Variants in NACA observed in about 807,000 individuals in gnomAD.
NACA encodes nascent polypeptide associated complex subunit alpha, also known as nascent polypeptide-associated complex subunit alpha.
A neutral mutation model predicts 86.4 loss-of-function variants in NACA; 42 were observed. That is an observed-to-expected ratio of 0.49 (90% CI 0.38 to 0.63). The LOEUF (loss-of-function observed/expected upper bound fraction) is 0.63. Ranked by LOEUF, NACA falls within the 20% of genes least tolerant of loss-of-function variation. The pLI is 0.00. For synonymous variants in NACA, 898 were observed against 973.7 expected, an observed-to-expected ratio of 0.92 and a Z score of 1.45; for missense variants, 2,157 against 2,483.6, an observed-to-expected ratio of 0.87 and a Z score of 2.80.
Position 56,719,668 on chromosome 12 carries a change from A to T in NACA, c.1862T>A (p.Ile621Asn). 1.9e-6 allele frequency: 3 copies of T among 1,613,882 alleles called. No individual in the cohort carries two copies. The highest frequency in any genetic ancestry group is 2.5e-6 in the Non-Finnish European group (3 of 1,179,828). The change falls in exon 3 of 9, where the codon ATC (isoleucine) becomes AAC (asparagine). Residue 621 changes from isoleucine (I) to asparagine (N), a missense_variant. Ile to Asn is a moderately radical substitution (Grantham distance 149). Coordinates refer to ENST00000454682, the MANE Select transcript of NACA (RefSeq NM_001365896.1). ...TGGGCCTGCATAAGAATCTGTCTTG[A>T]TTACAGAGGCCGAGGAGTTAACACC... ...PLGVNSSASVIKTDSYAGPDS... is the reference protein window; with the variant it reads ...PLGVNSSASVNKTDSYAGPDS...
In NACA at chr12:56,716,924, T is replaced by C; in HGVS notation, c.4606A>G (p.Lys1536Glu). 7.7e-7 allele frequency: 1 copy of C among 1,307,086 alleles called. No homozygotes were observed. The highest frequency in any genetic ancestry group is 9.9e-7 in the Non-Finnish European group (1 of 1,008,366). The allele number at this position is 1,307,086 out of a possible 1,614,324, so 81.0% of individuals were successfully genotyped here. A position where few individuals can be genotyped will look rare whatever the true frequency, so the allele number is the denominator to read the frequency against. ...GGGGCTAGAGTTGCTGGGGTCTTTT[T>C]AGAGAGAAGAGTCGCTGTTGGGGCA... Reference protein sequence around the residue: ...PIAPTATLLSKKTPATLAPKE... With the variant: ...PIAPTATLLSEKTPATLAPKE... The change falls in exon 3 of 9, where the codon AAA (lysine) becomes GAA (glutamate). Residue 1536 changes from lysine to glutamate, a missense_variant. By Grantham distance (56) the Lys-to-Glu change is moderately conservative. Around this residue, in one of 8 missense-constraint regions of NACA, gnomAD observed 797 missense variants for 777.6 expected, o/e 1.02. Coordinates refer to ENST00000454682, the MANE Select transcript of NACA (RefSeq NM_001365896.1).
chr12:56,724,376 T>TC (rs1953652731), intron 2 of NACA, 76 bp downstream of exon 2: 1 of 1,443,102 alleles, frequency 6.9e-7, no homozygotes, highest in Admixed American at 2.2e-5. Context: ...AAAGTGTATT[T>TC]CCCCTTGGTC....
At chr12:56,724,779 G>C in intron 1 of NACA, 1 of 489,092 alleles carries the variant, frequency 2.0e-6, no homozygotes, top group Non-Finnish European at 3.7e-6. Context: ...CTCGATCATG[G>C]GAGACTTCAG....
chr12:56,712,915 G>A lies in NACA; in HGVS notation c.6100-7C>T. 2 of 1,614,162 alleles carry A rather than the reference G, an allele frequency of 1.2e-6. No individual in the cohort carries two copies. The highest frequency in any genetic ancestry group is 1.7e-6 in the Non-Finnish European group (2 of 1,180,004). On this transcript the variant is annotated splice_region_variant and splice_polypyrimidine_tract_variant and intron_variant, in intron 7 of 8. Coordinates refer to ENST00000454682, the MANE Select transcript of NACA (RefSeq NM_001365896.1). The stretch of plus-strand genomic sequence containing the variant: ...CTACACCTGTTTCATCGACCTGAGA[G>A]ATGAGAGGGAAAAAGCAGTAAATTA...
rs200363394 is a variant in NACA, at chr12:56,717,445, G to A, written c.4085C>T (p.Thr1362Ile). The A allele has an allele frequency of 1.5e-3, 2,130 of 1,392,304 alleles. 4 individuals are homozygous for A. Among genetic ancestry groups the A allele is most frequent in the Non-Finnish European group, 1.8e-3 (1,928 of 1,046,954 alleles). 86.2% of individuals were successfully genotyped at this position (1,392,304 alleles called of 1,614,324 possible). ...AGTGGGGCCCTCTTTGGAGGATGGA[G>A]TAGTTGGGCCTCCTTTAGAGGAGGG... ...TTPSSKGGPT[T>I]PSSKEGPTPP... Residue 1362 changes from threonine (T) to isoleucine (I), a missense_variant, in exon 3 of 9, where the codon ACT (threonine) becomes ATT (isoleucine). Around this residue, in one of 8 missense-constraint regions of NACA, gnomAD observed 797 missense variants for 777.6 expected, o/e 1.02. Coordinates refer to ENST00000454682, the MANE Select transcript of NACA (RefSeq NM_001365896.1).
chr12:56,724,760 G>A (rs992767638), intron 1 of NACA: 2 of 517,138 alleles, frequency 3.9e-6, no homozygotes, highest in Non-Finnish European at 6.9e-6. Flanking sequence ...AGAGGATCCC[G>A]GGCTGGCTCT....
At position 56,721,711 on chromosome 12, in the gene NACA, C is replaced by T. The variant is rs140391076; in HGVS notation, c.71-252G>A. Reference sequence around the variant, plus strand: ...TTCCCCAAGTTCTACCAAAGTAAACCAACTATTTTAGGGTGAGGAGAACAG... The same window carrying T: ...TTCCCCAAGTTCTACCAAAGTAAACTAACTATTTTAGGGTGAGGAGAACAG... On this transcript the variant is annotated intron_variant, in intron 2 of 8. Transcript: ENST00000454682. Among the ~76,000 whole-genome samples, 12 of 152,252 alleles carry T rather than the reference C, an allele frequency of 7.9e-5. No individual in the cohort carries two copies. In the East Asian group the frequency reaches 2.3e-3, roughly 29 times the overall value.
Position 56,713,588 on chromosome 12 carries a change from A to T in NACA, c.5919T>A (p.Asp1973Glu), listed in dbSNP as rs760122245. Reference sequence around the variant, plus strand: ...TATCTGAAGCAGGGCTCTTGTAGACATCTGGTTTTGTGATGACAAAGAGGA... The same window carrying T: ...TATCTGAAGCAGGGCTCTTGTAGACTTCTGGTTTTGTGATGACAAAGAGGA... Reference protein sequence around the residue: ...KNILFVITKPDVYKSPASDTY... With the variant: ...KNILFVITKPEVYKSPASDTY... Residue 1973 changes from aspartate to glutamate, a missense_variant, in exon 6 of 9, where the codon GAT (aspartate) becomes GAA (glutamate). Asp to Glu is a conservative substitution (Grantham distance 45). Transcript: ENST00000454682. The T allele has an allele frequency of 1.2e-6, 2 of 1,614,042 alleles. No homozygotes were observed. The highest frequency in any genetic ancestry group is 2.2e-5 in the South Asian group (2 of 91,084).
At chr12:56,714,972 C>G (rs1953313297) in intron 3 of NACA, among the ~76,000 whole-genome samples, 1 of 152,112 alleles carries the variant, frequency 6.6e-6, no homozygotes, top group Non-Finnish European at 1.5e-5. Flanking sequence ...CCCTCAAGGT[C>G]TTTGTTTCTT....
At chr12:56,723,378 ATTAAG>A (rs2137836418) in intron 2 of NACA, among the ~76,000 whole-genome samples, 1 of 152,360 alleles carries the variant, frequency 6.6e-6, no homozygotes, top group African/African-American at 2.4e-5. Context: ...TATTTGTAAA[ATTAAG>A]TTGTTCAATG....
In NACA at chr12:56,725,265, T is replaced by G. The variant is rs1366586919; in HGVS notation, c.-5A>C. The G allele has an allele frequency of 1.3e-5, 2 of 153,208 alleles. No individual in the cohort carries two copies. Among genetic ancestry groups the G allele is most frequent in the Admixed American group, 6.5e-5 (1 of 15,298 alleles). The allele number at this position is 153,208 out of a possible 1,614,324, so 9.5% of individuals were successfully genotyped here. A position where few individuals can be genotyped will look rare whatever the true frequency, so the allele number is the denominator to read the frequency against. On this transcript the variant is annotated splice_region_variant and 5_prime_UTR_variant, in exon 1 of 9. Coordinates refer to ENST00000454682, the MANE Select transcript of NACA (RefSeq NM_001365896.1). The stretch of plus-strand genomic sequence containing the variant: ...GTAGCGGCACAGAAAGTACTTACTG[T>G]GCAGGGAACGCGGAACCAAGATGGC...
In NACA at chr12:56,714,339, C is replaced by G. The variant is rs772803436; in HGVS notation, c.5823+23G>C. The G allele has an allele frequency of 3.1e-6, 5 of 1,610,770 alleles. No individual in the cohort carries two copies. In the South Asian group the frequency reaches 4.4e-5, roughly 14 times the overall value. On this transcript the variant is annotated intron_variant, in intron 5 of 8. Transcript: ENST00000454682. ...CTGTATAAAGGTGCTTCATAAGATC[C>G]TGAAATCCTTTTCAAATCTTACCTT...
rs890684112 is a variant in NACA at position 56,721,219 on chromosome 12, G to A, written c.311C>T (p.Pro104Leu). 2 of 1,613,692 alleles carry A rather than the reference G, an allele frequency of 1.2e-6. No individual in the cohort carries two copies. Among genetic ancestry groups the A allele is most frequent in the Admixed American group, 1.7e-5 (1 of 59,964 alleles). ...GGAGATGGGAGGCCCTATTAGGTTT[G>A]GTAGGAAGGTTGGGGCTTCAGGGGC... ...GTAPEAPTFL[P>L]NLIGPPISPA... Residue 104 changes from proline to leucine, a missense_variant, in exon 3 of 9, where the codon CCA becomes CTA. This residue lies in a region of NACA where 947 missense variants were observed against 917.9 expected (regional missense o/e 1.03). Coordinates refer to ENST00000454682, the MANE Select transcript of NACA (RefSeq NM_001365896.1).
In NACA at chr12:56,720,377, G is replaced by A. The variant is rs377573124; in HGVS notation, c.1153C>T (p.Pro385Ser). Residue 385 changes from proline to serine, a missense_variant, in exon 3 of 9, where the codon CCC becomes TCC. Transcript: ENST00000454682. The part of the protein sequence containing the change: ...PVVAPSVDKG[P>S]STISSITCSP... The stretch of plus-strand genomic sequence containing the variant: ...CAGGTTATGCTAGAGATGGTAGAGG[G>A]ACCTTTGTCAACAGATGGAGCCACC... 6.2e-7 allele frequency: 1 copy of A among 1,613,778 alleles called. No homozygotes were observed. The highest frequency in any genetic ancestry group is 8.5e-7 in the Non-Finnish European group (1 of 1,179,872).
At position 56,717,038 on chromosome 12, in the gene NACA, C is replaced by A. The variant is rs1953392266; in HGVS notation, c.4492G>T (p.Ala1498Ser). 1 of 1,191,518 alleles carries A rather than the reference C, an allele frequency of 8.4e-7. No homozygotes were observed. The highest frequency in any genetic ancestry group is 2.1e-5 in the South Asian group (1 of 47,794). 73.8% of individuals were successfully genotyped at this position (1,191,518 alleles called of 1,614,324 possible). The change falls in exon 3 of 9, where the codon GCC becomes TCC. Residue 1498 changes from alanine (A) to serine (S), a missense_variant. Physicochemically the swap from Ala to Ser is moderately conservative, Grantham distance 99. Coordinates refer to ENST00000454682, the MANE Select transcript of NACA (RefSeq NM_001365896.1). Reference protein sequence around the residue: ...SSPKKAPATPAPMGAPTLPAV... With the variant: ...SSPKKAPATPSPMGAPTLPAV... ...GGCAGAGTGGGGGCCCCCATGGGGG[C>A]TGGAGTTGCTGGGGCCTTTTTGGGA...
chr12:56,713,333 A>T (rs368249172), intron 6 of NACA, 143 bp from the exon 7 acceptor site: 2 of 1,260,450 alleles, frequency 1.6e-6, no homozygotes, highest in Admixed American at 4.8e-5. Context: ...TAGAAAGAGT[A>T]GTTGTTTAGG....
chr12:56,713,782 G>A, intron 5 of NACA, 99 bp from the exon 6 acceptor site: 2 of 1,243,196 alleles, frequency 1.6e-6, no homozygotes, highest in South Asian at 2.8e-5. Context: ...CCTTTCCCCA[G>A]GCTGAGAAAA....
Position 56,716,401 on chromosome 12 carries a change from G to A in NACA, c.5129C>T (p.Ser1710Phe), listed in dbSNP as rs1170115812. The change falls in exon 3 of 9, where the codon TCT becomes TTT. Residue 1710 changes from serine to phenylalanine, a missense_variant. Ser to Phe is a radical substitution (Grantham distance 155). This residue lies in a region of NACA where 797 missense variants were observed against 777.6 expected (regional missense o/e 1.02). Transcript: ENST00000454682. ...TGGGCATATAGGAGGTGAAGTAGCAGAACTCTTTTTGGTCTGTGGACCTTT... is the reference window on the plus strand; with the variant it reads ...TGGGCATATAGGAGGTGAAGTAGCAAAACTCTTTTTGGTCTGTGGACCTTT... Reference protein sequence around the residue: ...TRKGPQTKKSSATSPPICPDP... With the variant: ...TRKGPQTKKSFATSPPICPDP... 1 of 1,605,744 alleles carries A rather than the reference G, an allele frequency of 6.2e-7. No individual in the cohort carries two copies. Among genetic ancestry groups the A allele is most frequent in the Non-Finnish European group, 8.5e-7 (1 of 1,175,206 alleles).
At chr12:56,724,645 T>G in intron 1 of NACA, 122 bp from the exon 2 acceptor site, 2 of 1,040,976 alleles carry the variant, frequency 1.9e-6, no homozygotes, top group Admixed American at 4.8e-5. Context: ...TGAGGGTGTT[T>G]GGTGACAACC....
Sources: allele counts gnomAD v4.1 joint callset (sites outside exome capture counted in the v4.1 genomes callset), GRCh38; gene constraint gnomAD v4.1.1; regional missense constraint gnomAD v4.1.1; transcripts MANE v1.5; gene names NCBI Gene and HGNC (gene_info 2026-07-23, HGNC 2026-07-21).